The following TMEM72 variants were observed in gnomAD, a reference collection of about 807,000 sequenced individuals.
The protein encoded by TMEM72 is transmembrane protein 72, also known as kidney-specific secretory protein of 37 kDa.
TMEM72 carries 9 observed loss-of-function variants against 16.3 expected under a neutral mutation model. The ratio of observed to expected loss-of-function variants is 0.55; its 90% confidence interval spans 0.33 to 0.96. The LOEUF (loss-of-function observed/expected upper bound fraction) is 0.96. Among genes scored for constraint, TMEM72 ranks in the 40% least tolerant of loss-of-function variants. The probability of loss-of-function intolerance (pLI) is 0.03; values close to 1 mark genes in which losing one functional copy is unlikely to be tolerated. For missense variants in TMEM72, 324 were observed against 337.8 expected (o/e 0.96, Z 0.32); for synonymous variants, 160 against 146.5 (o/e 1.09, Z -0.66).
At chr10:44,923,447 C>T (rs1172559507) in intron 1 of TMEM72, among the ~76,000 whole-genome samples, 1 of 152,156 alleles carries the variant, frequency 6.6e-6, no homozygotes, top group Non-Finnish European at 1.5e-5. Flanking sequence ...TGGGCTTCCT[C>T]ACAATATGTC....
At chr10:44,914,795 G>A (rs997982905) in intron 1 of TMEM72, among the ~76,000 whole-genome samples, 1 of 152,202 alleles carries the variant, frequency 6.6e-6, no homozygotes, top group Non-Finnish European at 1.5e-5. Context: ...TCCCCTGTGA[G>A]ATGAGAAAGG....
chr10:44,926,521 T>G (rs1489690780), intron 1 of TMEM72, among the ~76,000 whole-genome samples: 1 of 152,192 alleles, frequency 6.6e-6, no homozygotes, highest in African/African-American at 2.4e-5. Flanking sequence ...AGGCTGACAC[T>G]GCAGGGGGAT....
At chr10:44,914,415 T>C (rs896007439) in intron 1 of TMEM72, among the ~76,000 whole-genome samples, 9 of 152,164 alleles carry the variant, frequency 5.9e-5, no homozygotes, top group African/African-American at 2.2e-4. Context: ...TGGCTCAGGA[T>C]GTGGGGTTGG....
intron 1 of TMEM72, among the ~76,000 whole-genome samples, chr10:44,923,969 T>C (rs1840144274): frequency 6.6e-6 from 1 of 152,174 alleles, no homozygotes; most frequent in Non-Finnish European, 1.5e-5. Flanking sequence ...AACTAGCAGA[T>C]ACCCTGTGCT....
At chr10:44,919,207 G>A (rs1405932671) in intron 1 of TMEM72, among the ~76,000 whole-genome samples, 1 of 152,150 alleles carries the variant, frequency 6.6e-6, no homozygotes, top group Non-Finnish European at 1.5e-5. Flanking sequence ...CTACTTAAAT[G>A]TAAAAGACCA....
chr10:44,917,594 A>G (rs1002589815), intron 1 of TMEM72, among the ~76,000 whole-genome samples: 3 of 152,162 alleles, frequency 2.0e-5, no homozygotes, highest in Non-Finnish European at 4.4e-5. Flanking sequence ...CAGCTCTTTC[A>G]AGATTGTCCT....
intron 1 of TMEM72, 145 bp from the exon 2 acceptor site, chr10:44,927,776 A>C (rs1382083288): frequency 1.3e-6 from 1 of 784,052 alleles, no homozygotes; most frequent in Non-Finnish European, 2.1e-6. Context: ...TGCTAGTCAC[A>C]GCTGCCTGTA....
chr10:44,927,600 C>T (rs1259696934), intron 1 of TMEM72, among the ~76,000 whole-genome samples: 1 of 152,240 alleles, frequency 6.6e-6, no homozygotes, highest in Admixed American at 6.5e-5. Context: ...GGCCCCAGCA[C>T]ATGACAGAGA....
At chr10:44,923,611 C>T (rs770971656) in intron 1 of TMEM72, among the ~76,000 whole-genome samples, 3 of 152,158 alleles carry the variant, frequency 2.0e-5, no homozygotes, top group Non-Finnish European at 2.9e-5. Flanking sequence ...GGAAACAAGA[C>T]GTATGGAGAG....
In TMEM72 at chr10:44,936,811, A is replaced by G. The variant is rs914695; in HGVS notation, c.*1677A>G. ...GAAGCCAGGCATCTTTCCCCTGTCA[A>G]CTGTGGAAGGGGAATGTGATGGCCA... On this transcript the variant is annotated 3_prime_UTR_variant, in exon 5 of 5. Transcript: ENST00000389583. The G allele has an allele frequency of 6.6e-6, 1 of 152,140 alleles. No homozygotes were observed. Among genetic ancestry groups the G allele is most frequent in the Non-Finnish European group, 1.5e-5 (1 of 68,024 alleles). The allele number at this position is 152,140 out of a possible 1,614,324, so 9.4% of individuals were successfully genotyped here.
intron 4 of TMEM72, 33 bp from the exon 5 acceptor site, chr10:44,934,623 C>T (rs1255209265): frequency 6.6e-7 from 1 of 1,521,056 alleles, no homozygotes; most frequent in Non-Finnish European, 8.8e-7. Flanking sequence ...TTCCGTGACT[C>T]CTCTAGAGCC....
intron 3 of TMEM72, 21 bp downstream of exon 3, chr10:44,932,090 C>A (rs576163362): frequency 1.9e-6 from 3 of 1,609,542 alleles, no homozygotes; most frequent in Admixed American, 3.4e-5. Context: ...TCCAGAGAGA[C>A]CCCTCCATTG....
chr10:44,928,645 A>G (rs1212315520), intron 2 of TMEM72, among the ~76,000 whole-genome samples: 1 of 98,348 alleles, frequency 1.0e-5, no homozygotes, highest in Non-Finnish European at 2.2e-5. Flanking sequence ...CATCCATCCA[A>G]CTACCCATAC....
Position 44,935,308 on chromosome 10 carries a change from C to T in TMEM72, c.*174C>T. On this transcript the variant is annotated 3_prime_UTR_variant, in exon 5 of 5. Transcript: ENST00000389583. Reference sequence around the variant, plus strand: ...TGACTGGCCAGCATTTCTGGAGAGGCCTCGAGGGAGGCACAAACAAGGCTC... The same window carrying T: ...TGACTGGCCAGCATTTCTGGAGAGGTCTCGAGGGAGGCACAAACAAGGCTC... 1 of 595,272 alleles carries T rather than the reference C, an allele frequency of 1.7e-6. No homozygotes were observed. Among genetic ancestry groups the T allele is most frequent in the South Asian group, 2.8e-5 (1 of 35,320 alleles). The allele number at this position is 595,272 out of a possible 1,614,324, so 36.9% of individuals were successfully genotyped here.
chr10:44,931,383 T>C (rs1175854160), intron 2 of TMEM72, among the ~76,000 whole-genome samples: 1 of 152,182 alleles, frequency 6.6e-6, no homozygotes. Flanking sequence ...AAGGAGCCTT[T>C]GAGGCATCCT....
At chr10:44,930,024 G>C (rs1340250227) in intron 2 of TMEM72, among the ~76,000 whole-genome samples, 2 of 152,180 alleles carry the variant, frequency 1.3e-5, no homozygotes, top group African/African-American at 4.8e-5. Context: ...CTCTCCAGTG[G>C]GTCCCTAACT....
intron 1 of TMEM72, among the ~76,000 whole-genome samples, chr10:44,925,730 C>T (rs1466558378): frequency 6.6e-6 from 1 of 152,238 alleles, no homozygotes; most frequent in Non-Finnish European, 1.5e-5. Context: ...ACATTACTTA[C>T]ATTCTGTGTG....
intron 3 of TMEM72, among the ~76,000 whole-genome samples, chr10:44,933,408 C>T (rs941446962): frequency 6.6e-6 from 1 of 152,248 alleles, no homozygotes; most frequent in Admixed American, 6.5e-5. Context: ...TCCCCTTCGA[C>T]CAGAAAAACA....
chr10:44,911,347 C>A lies in TMEM72; in HGVS notation c.-166C>A. ...GAGAGCACAGAAGGTGAGCCCTATTCACACCTCGGCCAGGCTGCGGTGGCC... is the reference window on the plus strand; with the variant it reads ...GAGAGCACAGAAGGTGAGCCCTATTAACACCTCGGCCAGGCTGCGGTGGCC... On this transcript the variant is annotated 5_prime_UTR_variant, in exon 1 of 5. Coordinates refer to ENST00000389583, the MANE Select transcript of TMEM72 (RefSeq NM_001123376.3). The A allele has an allele frequency of 3.1e-6, 2 of 644,232 alleles. No homozygotes were observed. Among genetic ancestry groups the A allele is most frequent in the African/African-American group, 1.8e-5 (1 of 55,348 alleles). The allele number at this position is 644,232 out of a possible 1,614,324, so 39.9% of individuals were successfully genotyped here.
Sources: gnomAD v4.1 joint callset for allele counts (sites outside exome capture counted in the v4.1 genomes callset) on GRCh38, gnomAD v4.1.1 for gene constraint, MANE v1.5 for transcripts, NCBI Gene and HGNC (gene_info 2026-07-23, HGNC 2026-07-21) for gene names.